Variants in SRGAP3 observed in about 807,000 individuals in gnomAD.
SRGAP3 encodes the protein SLIT-ROBO Rho GTPase activating protein 3, also known as SLIT-ROBO Rho GTPase-activating protein 3.
Under a neutral mutation model 121.1 loss-of-function variants are expected in SRGAP3, and 39 were observed. That is an observed-to-expected ratio of 0.32 (90% confidence interval 0.25 to 0.42). The LOEUF (loss-of-function observed/expected upper bound fraction) is 0.42, where lower values mean the gene tolerates loss of function less well. Among genes scored for constraint, SRGAP3 ranks in the 10% least tolerant of loss-of-function variants. The pLI is 1.00. For synonymous variants in SRGAP3, 601 were observed against 570.0 expected (o/e 1.05, Z -0.77); for missense variants, 1,213 against 1,470.6 (o/e 0.82, Z 2.86).
At chr3:9,159,367 A>C (rs1480933524) in intron 1 of SRGAP3, among the ~76,000 whole-genome samples, 2 of 152,078 alleles carry the variant, frequency 1.3e-5, no homozygotes, top group Admixed American at 1.3e-4. Context: ...TCCCCCGGCC[A>C]GCTCGCCTGG....
chr3:8,983,490 G>A lies in SRGAP3; in HGVS notation c.*2029C>T. On this transcript the variant is annotated 3_prime_UTR_variant, in exon 22 of 22. Transcript: ENST00000383836. Reference sequence around the variant, plus strand: ...TATCTAGGTGCCAGTGACTTAACTAGGTCCCTCCCTTTGGGTGTATTTACC... The same window carrying A: ...TATCTAGGTGCCAGTGACTTAACTAAGTCCCTCCCTTTGGGTGTATTTACC... 4.3e-6 allele frequency: 1 copy of A among 229,912 alleles called. No individual in the cohort carries two copies. The highest frequency in any genetic ancestry group is 8.6e-6 in the Non-Finnish European group (1 of 115,996). The allele number at this position is 229,912 out of a possible 1,614,324, so 14.2% of individuals were successfully genotyped here. A position where few individuals can be genotyped will look rare whatever the true frequency, so the allele number is the denominator to read the frequency against.
At chr3:9,103,249 T>G (rs939977427) in intron 3 of SRGAP3, among the ~76,000 whole-genome samples, 3 of 152,214 alleles carry the variant, frequency 2.0e-5, no homozygotes, top group African/African-American at 7.2e-5. Context: ...CCCTTCTTTG[T>G]GCTTCTAGCA....
intron 1 of SRGAP3, among the ~76,000 whole-genome samples, chr3:9,236,965 C>T (rs1230464378): frequency 1.3e-5 from 2 of 152,138 alleles, no homozygotes; most frequent in African/African-American, 4.8e-5. Context: ...AGAATATATG[C>T]CAGATTCCCT....
In SRGAP3 at chr3:9,165,995, T is replaced by C. The variant is rs572689539; in HGVS notation, c.68-41078A>G. On this transcript the variant is annotated intron_variant, in intron 1 of 21. Coordinates refer to ENST00000383836, the MANE Select transcript of SRGAP3 (RefSeq NM_014850.4). The stretch of plus-strand genomic sequence containing the variant: ...GGGGCACTGTATCTGTTTTCACTTA[T>C]CACTGTATCGCCATCAATCAATACT... Among the ~76,000 whole-genome samples the C allele has an allele frequency of 4.6e-5, 7 of 152,362 alleles. No homozygotes were observed. In the East Asian group the frequency reaches 9.6e-4, roughly 21 times the overall value.
intron 3 of SRGAP3, among the ~76,000 whole-genome samples, chr3:9,100,649 A>T (rs1218328312): frequency 1.3e-5 from 2 of 152,238 alleles, no homozygotes; most frequent in African/African-American, 4.8e-5. Context: ...GCTGCATTAA[A>T]AAACAATTGG....
intron 4 of SRGAP3, among the ~76,000 whole-genome samples, chr3:9,070,517 T>TAGTC (rs1946651748): frequency 1.3e-5 from 2 of 152,218 alleles, no homozygotes; most frequent in South Asian, 4.1e-4. Flanking sequence ...AATGAATGAC[T>TAGTC]GGCTGGGCTG....
chr3:9,303,591 TTGAG>T (rs2125275683), intron 3 of SRGAP3, among the ~76,000 whole-genome samples: 1 of 152,330 alleles, frequency 6.6e-6, no homozygotes, highest in South Asian at 2.1e-4. Flanking sequence ...CTAACACTTT[TTGAG>T]TGTTTGTGAT....
chr3:9,332,796 T>C (rs926378890), intron 1 of SRGAP3, among the ~76,000 whole-genome samples: 1 of 152,226 alleles, frequency 6.6e-6, no homozygotes, highest in Non-Finnish European at 1.5e-5. Flanking sequence ...AAGGGTCATT[T>C]ACCTACAACT....
At chr3:9,328,444 C>T (rs1955552854) in intron 2 of SRGAP3, among the ~76,000 whole-genome samples, 1 of 152,182 alleles carries the variant, frequency 6.6e-6, no homozygotes, top group South Asian at 2.1e-4. Context: ...GGAGTCCAGG[C>T]TGTTGGAGCT....
At chr3:9,229,068 CAAAAAAAAAA>C (rs61231273) in intron 1 of SRGAP3, among the ~76,000 whole-genome samples, 2 of 74,078 alleles carry the variant, frequency 2.7e-5, no homozygotes, top group Middle Eastern at 8.1e-3. Context: ...GACTCCGTCT[CAAAAAAAAAA>C]AAAAAAAAAA....
At chr3:8,986,134 A>T (rs1173225795) in intron 21 of SRGAP3, among the ~76,000 whole-genome samples, 2 of 152,124 alleles carry the variant, frequency 1.3e-5, no homozygotes, top group African/African-American at 2.4e-5. Flanking sequence ...CAGGAAATAG[A>T]TTTCATAAGG....
At chr3:9,139,559 G>A (rs1243085383) in intron 1 of SRGAP3, among the ~76,000 whole-genome samples, 2 of 152,242 alleles carry the variant, frequency 1.3e-5, no homozygotes, top group Non-Finnish European at 2.9e-5. Flanking sequence ...TAGAGCCGCT[G>A]GAGGGAGTGT....
chr3:9,143,607 C>A (rs1949932137), intron 1 of SRGAP3, among the ~76,000 whole-genome samples: 1 of 152,138 alleles, frequency 6.6e-6, no homozygotes, highest in Non-Finnish European at 1.5e-5. Context: ...GCACAAATGC[C>A]AGTGATGCTG....
intron 18 of SRGAP3, among the ~76,000 whole-genome samples, chr3:8,997,714 A>C (rs1942490584): frequency 6.6e-6 from 1 of 152,194 alleles, no homozygotes; most frequent in Non-Finnish European, 1.5e-5. Context: ...CACAGTGAAC[A>C]TGCATGGAAC....
At chr3:9,149,786 A>G (rs1950151876) in intron 1 of SRGAP3, among the ~76,000 whole-genome samples, 1 of 152,232 alleles carries the variant, frequency 6.6e-6, no homozygotes, top group African/African-American at 2.4e-5. Context: ...TGAGCAATAA[A>G]TACCTGTTAC....
At chr3:9,066,105 G>T (rs1265516775) in intron 4 of SRGAP3, among the ~76,000 whole-genome samples, 1 of 152,064 alleles carries the variant, frequency 6.6e-6, no homozygotes, top group Non-Finnish European at 1.5e-5. Flanking sequence ...AGCCCTTAAT[G>T]AATTTTTTTA....
chr3:9,242,046 C>G (rs1192367521), intron 1 of SRGAP3, among the ~76,000 whole-genome samples: 1 of 147,514 alleles, frequency 6.8e-6, no homozygotes, highest in Non-Finnish European at 1.5e-5. Flanking sequence ...CCACTGCACT[C>G]CAGCCTGGCT....
In SRGAP3 at chr3:8,980,708, G is replaced by T; in HGVS notation, c.*4811C>A. ...CACTCTATAGGACGGGCGTTTGGTCGTAAGGTAGAGAAACGATATCCAGAA... is the reference window on the plus strand; with the variant it reads ...CACTCTATAGGACGGGCGTTTGGTCTTAAGGTAGAGAAACGATATCCAGAA... On this transcript the variant is annotated 3_prime_UTR_variant, in exon 22 of 22. Transcript: ENST00000383836. 4.3e-6 allele frequency: 1 copy of T among 232,694 alleles called. No homozygotes were observed. The highest frequency in any genetic ancestry group is 8.5e-6 in the Non-Finnish European group (1 of 117,430). 14.4% of individuals were successfully genotyped at this position (232,694 alleles called of 1,614,324 possible).
At chr3:9,131,704 A>C (rs1420950039) in intron 1 of SRGAP3, among the ~76,000 whole-genome samples, 1 of 152,058 alleles carries the variant, frequency 6.6e-6, no homozygotes, top group African/African-American at 2.4e-5. Flanking sequence ...GGCCTCCCAA[A>C]GTGCTGGGAT....
Sources: gnomAD v4.1 joint callset for allele counts (sites outside exome capture counted in the v4.1 genomes callset) on GRCh38, gnomAD v4.1.1 for gene constraint, MANE v1.5 for transcripts, NCBI Gene and HGNC (gene_info 2026-07-23, HGNC 2026-07-21) for gene names.